FSTL4: variants seen among roughly 807,000 people sequenced by gnomAD.
The protein encoded by FSTL4 is follistatin-related protein 4.
Under a neutral mutation model 78.2 loss-of-function variants are expected in FSTL4, and 28 were observed. The observed-to-expected ratio is 0.36, with a 90% CI of 0.27 to 0.49. FSTL4 has a LOEUF of 0.49. FSTL4 is among the 20% of genes least tolerant of loss of function. FSTL4 has a pLI of 0.98. For synonymous variants in FSTL4, 422 were observed against 440.5 expected (o/e 0.96, Z 0.53); for missense variants, 922 against 1,084.9 (o/e 0.85, Z 2.11).
Position 133,220,755 on chromosome 5 carries a change from A to G in FSTL4, c.1451T>C (p.Met484Thr), listed in dbSNP as rs770196347. 2.6e-6 allele frequency: 4 copies of G among 1,554,774 alleles called. No individual in the cohort carries two copies. The highest frequency in any genetic ancestry group is 2.2e-5 in the East Asian group (1 of 44,630). Residue 484 changes from methionine (M) to threonine (T), a missense_variant, in exon 12 of 16, where the codon ATG (methionine) becomes ACG (threonine). Coordinates refer to ENST00000265342, the MANE Select transcript of FSTL4 (RefSeq NM_015082.2). ...CCAGGCACAGTTACTTACATAGCTC[A>G]TGAAAATCTTTTCCGTGGGTTTGAG... Reference protein sequence around the residue: ...RHLKPTEKIFMSYEEICPQRE... With the variant: ...RHLKPTEKIFTSYEEICPQRE...
chr5:133,314,262 G>C (rs569713516), intron 5 of FSTL4, among the ~76,000 whole-genome samples: 2 of 152,316 alleles, frequency 1.3e-5, no homozygotes, highest in East Asian at 3.9e-4. Flanking sequence ...CAGGTCCCTG[G>C]CCCTGCCCCT....
intron 2 of FSTL4, among the ~76,000 whole-genome samples, chr5:133,589,778 A>G (rs1760585950): frequency 6.6e-6 from 1 of 152,136 alleles, no homozygotes; most frequent in African/African-American, 2.4e-5. Flanking sequence ...AGATTCAAAA[A>G]TATGTCCTTG....
At chr5:133,793,963 C>T in the FSTL4 span, among the ~76,000 whole-genome samples, 1 of 152,192 alleles carries the variant, frequency 6.6e-6, no homozygotes, top group South Asian at 2.1e-4. Flanking sequence ...GGAGGAATTC[C>T]CTGAGAAGCC....
the FSTL4 span, among the ~76,000 whole-genome samples, chr5:133,699,891 A>AAAC: frequency 6.6e-6 from 1 of 151,456 alleles, no homozygotes; most frequent in Non-Finnish European, 1.5e-5. Context: ...AAAAAAAAAA[A>AAAC]AAAAAAAAAA....
At chr5:133,413,114 T>A (rs538347141) in intron 3 of FSTL4, among the ~76,000 whole-genome samples, 52 of 152,162 alleles carry the variant, frequency 3.4e-4, no homozygotes, top group Non-Finnish European at 6.2e-4. Flanking sequence ...TTAAAATGTA[T>A]AATTAAGCCA....
chr5:133,394,795 G>C (rs1439950735), intron 4 of FSTL4, among the ~76,000 whole-genome samples: 1 of 152,250 alleles, frequency 6.6e-6, no homozygotes, highest in Non-Finnish European at 1.5e-5. Flanking sequence ...GATCCACTAG[G>C]TGAAGCCAGC....
intron 4 of FSTL4, among the ~76,000 whole-genome samples, chr5:133,345,758 G>A (rs1754685188): frequency 6.6e-6 from 1 of 152,210 alleles, no homozygotes; most frequent in Non-Finnish European, 1.5e-5. Flanking sequence ...TGGAAAGGAT[G>A]TGAAGAAATA....
chr5:133,645,286 C>T, the FSTL4 span, among the ~76,000 whole-genome samples: 1 of 152,130 alleles, frequency 6.6e-6, no homozygotes, highest in East Asian at 1.9e-4. Context: ...GAAACCTTAT[C>T]TGTAGTTCTG....
chr5:133,283,397 C>T (rs1052984925), intron 6 of FSTL4, among the ~76,000 whole-genome samples: 5 of 152,248 alleles, frequency 3.3e-5, no homozygotes, highest in African/African-American at 1.2e-4. Flanking sequence ...AAAGATGTGT[C>T]CATTGGCAAG....
intron 4 of FSTL4, among the ~76,000 whole-genome samples, chr5:133,337,610 G>A (rs1054911003): frequency 6.6e-6 from 1 of 152,186 alleles, no homozygotes; most frequent in Non-Finnish European, 1.5e-5. Flanking sequence ...GAGTTGGCTG[G>A]CTTGAAAGCT....
intron 6 of FSTL4, among the ~76,000 whole-genome samples, chr5:133,300,022 C>T (rs1010853706): frequency 6.6e-6 from 1 of 152,176 alleles, no homozygotes; most frequent in Non-Finnish European, 1.5e-5. Flanking sequence ...TCCATATTTT[C>T]TGTGTTTTCC....
At chr5:133,681,126 G>A in the FSTL4 span, among the ~76,000 whole-genome samples, 204 of 152,356 alleles carry the variant, frequency 1.3e-3, 1 homozygote, top group African/African-American at 4.7e-3. Flanking sequence ...TCTCCTGGAG[G>A]CGGACAGGCA....
At chr5:133,253,671 A>G (rs1265124783) in intron 6 of FSTL4, among the ~76,000 whole-genome samples, 2 of 152,092 alleles carry the variant, frequency 1.3e-5, no homozygotes, top group Non-Finnish European at 2.9e-5. Context: ...CAGGCCCCCT[A>G]TAGCCTCCTT....
the FSTL4 span, among the ~76,000 whole-genome samples, chr5:133,767,913 G>A: frequency 1.3e-5 from 2 of 152,204 alleles, no homozygotes; most frequent in African/African-American, 4.8e-5. Context: ...GCTTTAGAGA[G>A]AATGCAGGAC....
At chr5:133,302,917 A>T (rs1394323019) in intron 6 of FSTL4, among the ~76,000 whole-genome samples, 1 of 152,220 alleles carries the variant, frequency 6.6e-6, no homozygotes, top group Non-Finnish European at 1.5e-5. Context: ...ATGTTTGTCA[A>T]GCACCTACTC....
intron 3 of FSTL4, among the ~76,000 whole-genome samples, chr5:133,423,471 C>T (rs1756740844): frequency 6.6e-6 from 1 of 152,230 alleles, no homozygotes; most frequent in Non-Finnish European, 1.5e-5. Context: ...CCTCCTGGAA[C>T]CTCAGCGGGC....
At chr5:133,396,226 C>T (rs967128016) in intron 4 of FSTL4, among the ~76,000 whole-genome samples, 3 of 152,238 alleles carry the variant, frequency 2.0e-5, no homozygotes, top group African/African-American at 7.2e-5. Context: ...CCAGCATCAT[C>T]CCTAGTGCTG....
intron 4 of FSTL4, among the ~76,000 whole-genome samples, chr5:133,354,377 G>A (rs1754897465): frequency 1.3e-5 from 2 of 152,202 alleles, no homozygotes; most frequent in African/African-American, 4.8e-5. Context: ...TTCCATGAAT[G>A]TTTTCAAAGA....
At chr5:133,321,154 T>TG (rs906943510) in intron 4 of FSTL4, among the ~76,000 whole-genome samples, 3 of 151,892 alleles carry the variant, frequency 2.0e-5, no homozygotes, top group African/African-American at 7.3e-5. Flanking sequence ...GTGGGGGGTA[T>TG]GGGGGGACCA....
Sources: gnomAD v4.1 joint callset for allele counts (sites outside exome capture counted in the v4.1 genomes callset) on GRCh38, gnomAD v4.1.1 for gene constraint, MANE v1.5 for transcripts, NCBI Gene and HGNC (gene_info 2026-07-23, HGNC 2026-07-21) for gene names.